ANLN: variants seen among roughly 807,000 people sequenced by gnomAD.
ANLN encodes anillin.
A neutral mutation model predicts 135.1 loss-of-function variants in ANLN; 59 were observed. That is an observed-to-expected ratio of 0.44 (90% CI 0.35 to 0.54). ANLN has a LOEUF of 0.54. Among genes scored for constraint, ANLN ranks in the 20% least tolerant of loss-of-function variants. The pLI, the probability that ANLN is intolerant of heterozygous loss-of-function variation, is 0.00. For synonymous variants in ANLN, 406 were observed against 456.4 expected (o/e 0.89, Z 1.41); for missense variants, 1,182 against 1,340.0 (o/e 0.88, Z 1.84).
intron 20 of ANLN, among the ~76,000 whole-genome samples, chr7:36,435,717 C>CA (rs1254404025): frequency 2.7e-5 from 4 of 150,300 alleles, no homozygotes; most frequent in Non-Finnish European, 5.9e-5. Context: ...ACTAAAAATA[C>CA]AAAAAATTAG....
chr7:36,413,267 A>T (rs1653306044), intron 7 of ANLN, among the ~76,000 whole-genome samples: 1 of 151,706 alleles, frequency 6.6e-6, no homozygotes, highest in Non-Finnish European at 1.5e-5. Flanking sequence ...AGTTATTCCT[A>T]CTTGCTGCTT....
rs1788880506 is a variant in ANLN, at chr7:36,443,864, T to G, written c.3078+2T>G. The G allele has an allele frequency of 6.3e-7, 1 of 1,586,970 alleles. No individual in the cohort carries two copies. Among genetic ancestry groups the G allele is most frequent in the Admixed American group, 1.7e-5 (1 of 58,282 alleles). On this transcript the variant is annotated splice_donor_variant, in intron 22 of 23. Coordinates refer to ENST00000265748, the MANE Select transcript of ANLN (RefSeq NM_018685.5). LOFTEE classifies it high-confidence loss of function. ...TATCCAGATGATGAGAAACGCAAGG[T>G]AATTTATATAGTACTGTTTAGTGGT... is the stretch of plus-strand genomic sequence containing the variant.
intron 22 of ANLN, among the ~76,000 whole-genome samples, chr7:36,446,231 G>C (rs1319331648): frequency 6.6e-6 from 1 of 151,922 alleles, no homozygotes; most frequent in Non-Finnish European, 1.5e-5. Flanking sequence ...TCCTTATCCT[G>C]GAGTCAAAGA....
chr7:36,396,020 A>C (rs759857553), intron 1 of ANLN, among the ~76,000 whole-genome samples: 3 of 152,174 alleles, frequency 2.0e-5, no homozygotes, highest in Non-Finnish European at 4.4e-5. Context: ...AAGCAGAAAA[A>C]ATTTGTGGCC....
rs770850733 is a variant in ANLN at position 36,406,149 on chromosome 7, G to A, written c.488-32G>A. On this transcript the variant is annotated intron_variant, in intron 3 of 23. Coordinates refer to ENST00000265748, the MANE Select transcript of ANLN (RefSeq NM_018685.5). ...ATACGTAAGCATTACTCTTAAACAT[G>A]GTTTTTAACTCTTTTCTGAAAACAT... 10 of 1,556,396 alleles carry A rather than the reference G, an allele frequency of 6.4e-6. No individual in the cohort carries two copies. The Admixed American group carries it at 1.5e-4, about 24-fold the overall frequency.
chr7:36,399,429 G>C, intron 3 of ANLN, 36 bp downstream of exon 3: 1 of 1,481,932 alleles, frequency 6.7e-7, no homozygotes, highest in Non-Finnish European at 9.1e-7. Flanking sequence ...CCATACATCT[G>C]TTCCAATAAG....
chr7:36,421,891 T>C lies in ANLN; in HGVS notation c.2198T>C (p.Val733Ala), dbSNP rs1643308631. 6.2e-7 allele frequency: 1 copy of C among 1,613,218 alleles called. No homozygotes were observed. The change falls in exon 13 of 24, where the codon GTG (valine) becomes GCG (alanine). Residue 733 changes from valine to alanine, a missense_variant. Physicochemically the swap from Val to Ala is moderately conservative, Grantham distance 64 (BLOSUM62 0). Coordinates refer to ENST00000265748, the MANE Select transcript of ANLN (RefSeq NM_018685.5). The part of the protein sequence containing the change: ...LNNEINMQQT[V>A]IYQASQALNC... ...AACGAAATAAATATGCAACAGACAG[T>C]GATCTATCAAGCTAGCCAGGCTCTT...
intron 21 of ANLN, among the ~76,000 whole-genome samples, chr7:36,442,388 T>G (rs996160930): frequency 2.0e-4 from 30 of 152,218 alleles, no homozygotes; most frequent in African/African-American, 7.0e-4. Flanking sequence ...ACTGTTTTTA[T>G]AGTCTTTGAT....
chr7:36,452,351 A>G, intron 23 of ANLN, 126 bp from the exon 24 acceptor site: 1 of 1,225,146 alleles, frequency 8.2e-7, no homozygotes. Flanking sequence ...ATTAGCATCC[A>G]TAAAAGGTGG....
intron 1 of ANLN, among the ~76,000 whole-genome samples, chr7:36,395,463 A>T (rs575985023): frequency 6.6e-6 from 1 of 152,234 alleles, no homozygotes; most frequent in East Asian, 1.9e-4. Context: ...GACCTTTGTG[A>T]TTATGTTGGG....
intron 22 of ANLN, among the ~76,000 whole-genome samples, chr7:36,444,795 G>A (rs1451661930): frequency 6.6e-6 from 1 of 151,750 alleles, no homozygotes; most frequent in Non-Finnish European, 1.5e-5. Flanking sequence ...TTTTTAAAAG[G>A]AAAAGCATGC....
chr7:36,412,306 A>AATATATATATATAT (rs60215077), intron 7 of ANLN, among the ~76,000 whole-genome samples: 4 of 102,676 alleles, frequency 3.9e-5, no homozygotes, highest in African/African-American at 7.3e-5. Context: ...CTGCCAGAGA[A>AATATATATATATAT]ATATATATAT....
rs1375465091 is a variant in ANLN at position 36,452,627 on chromosome 7, G to A, written c.*27G>A. On this transcript the variant is annotated 3_prime_UTR_variant, in exon 24 of 24. Coordinates refer to ENST00000265748, the MANE Select transcript of ANLN (RefSeq NM_018685.5). ...CCGGGAAATTTCCATGCTATCTAGA[G>A]GTTTTTGATGTCATCTTAAGAAACA... 6.2e-7 allele frequency: 1 copy of A among 1,608,788 alleles called. No individual in the cohort carries two copies. Among genetic ancestry groups the A allele is most frequent in the East Asian group, 2.2e-5 (1 of 44,770 alleles).
Position 36,411,040 on chromosome 7 carries a change from C to T in ANLN, c.1288-19C>T, listed in dbSNP as rs1271611287. On this transcript the variant is annotated intron_variant, in intron 6 of 23. Transcript: ENST00000265748. ...ATGCTACCGGCTCTTGTGTAAAATA[C>T]AGCTTTTGATGGGTTTAGGAACGTC... 5 of 1,564,962 alleles carry T rather than the reference C, an allele frequency of 3.2e-6. No homozygotes were observed. The African/African-American group carries it at 6.9e-5, about 22-fold the overall frequency.
rs1227073272 is a variant in ANLN at position 36,396,263 on chromosome 7, T to G, written c.19-3T>G. 1.3e-6 allele frequency: 2 copies of G among 1,576,102 alleles called. No individual in the cohort carries two copies. Among genetic ancestry groups the G allele is most frequent in the African/African-American group, 2.7e-5 (2 of 73,340 alleles). On this transcript the variant is annotated splice_polypyrimidine_tract_variant and splice_region_variant and intron_variant, in intron 1 of 23. Coordinates refer to ENST00000265748, the MANE Select transcript of ANLN (RefSeq NM_018685.5). The stretch of plus-strand genomic sequence containing the variant: ...TTTAACACTGATATATTTATTTATG[T>G]AGAAACTGCTGGAGCGAACCCGTGC...
At chr7:36,391,701 C>G (rs1786471719) in intron 1 of ANLN, among the ~76,000 whole-genome samples, 1 of 152,178 alleles carries the variant, frequency 6.6e-6, no homozygotes, top group Non-Finnish European at 1.5e-5. Flanking sequence ...CCAGGGTTTC[C>G]TCTCAGAACC....
At chr7:36,413,214 C>G (rs1479172564) in intron 7 of ANLN, among the ~76,000 whole-genome samples, 13 of 152,082 alleles carry the variant, frequency 8.5e-5, no homozygotes, top group Non-Finnish European at 1.8e-4. Flanking sequence ...GCAACCCATT[C>G]CCCTCCTTTT....
intron 1 of ANLN, 84 bp from the exon 2 acceptor site, chr7:36,396,182 C>A: frequency 8.4e-7 from 1 of 1,196,642 alleles, no homozygotes; most frequent in East Asian, 2.6e-5. Context: ...TCCTGTATGG[C>A]AATTGGTGAT....
chr7:36,429,588 C>T (rs1788231131), intron 20 of ANLN, among the ~76,000 whole-genome samples: 1 of 152,132 alleles, frequency 6.6e-6, no homozygotes, highest in Non-Finnish European at 1.5e-5. Context: ...TGCTAATTAA[C>T]AAAATGCTGG....
Sources: gnomAD v4.1 joint callset for allele counts (sites outside exome capture counted in the v4.1 genomes callset) on GRCh38, gnomAD v4.1.1 for gene constraint, MANE v1.5 for transcripts, NCBI Gene and HGNC (gene_info 2026-07-23, HGNC 2026-07-21) for gene names.